The following PTGES3L variants were observed in gnomAD, a reference collection of about 807,000 sequenced individuals.
PTGES3L encodes the protein putative protein PTGES3L.
PTGES3L carries 17 observed loss-of-function variants against 25.0 expected under a neutral mutation model. The ratio of observed to expected loss-of-function variants is 0.68; its 90% confidence interval spans 0.47 to 1.02. The LOEUF is 1.02. Among genes scored for constraint, PTGES3L ranks in the 50% least tolerant of loss-of-function variants. The pLI is 0.00. For missense variants in PTGES3L, 202 were observed against 197.5 expected (o/e 1.02, Z -0.14); for synonymous variants, 59 against 65.7 (o/e 0.90, Z 0.50).
At chr17:42,975,615 G>A (rs2049940490) in intron 4 of PTGES3L, among the ~76,000 whole-genome samples, 1 of 152,112 alleles carries the variant, frequency 6.6e-6, no homozygotes, top group South Asian at 2.1e-4. Flanking sequence ...ATGATCCACT[G>A]AAAACTTCAA....
intron 4 of PTGES3L, among the ~76,000 whole-genome samples, chr17:42,978,863 G>A (rs189769436): frequency 6.6e-6 from 1 of 152,244 alleles, no homozygotes; most frequent in Non-Finnish European, 1.5e-5. Context: ...AGCTGGGCGT[G>A]GTGGTGCATG....
chr17:42,975,848 C>A (rs1261220279), intron 4 of PTGES3L, among the ~76,000 whole-genome samples: 1 of 150,874 alleles, frequency 6.6e-6, no homozygotes, highest in African/African-American at 2.4e-5. Context: ...TGCTAACTTT[C>A]GTATTTTTAG....
Position 42,979,599 on chromosome 17 carries a change from C to A in PTGES3L, c.73G>T (p.Asp25Tyr), listed in dbSNP as rs777511543. Residue 25 changes from aspartate (D) to tyrosine (Y), a missense_variant, in exon 2 of 7, where the codon GAC becomes TAC. Coordinates refer to ENST00000591916, the MANE Select transcript of PTGES3L (RefSeq NM_001261430.2). ...ATAAGCACGTGGACATCGGTGCTGT[C>A]CTCAACACAAAACTCCATGAACACA... ...RYVFMEFCVE[D>Y]STDVHVLIED... 1 of 1,614,138 alleles carries A rather than the reference C, an allele frequency of 6.2e-7. No homozygotes were observed. The highest frequency in any genetic ancestry group is 1.1e-5 in the South Asian group (1 of 91,078).
intron 5 of PTGES3L, among the ~76,000 whole-genome samples, chr17:42,970,676 G>GCGCGCGCACACACA (rs1490786473): frequency 2.1e-5 from 3 of 144,092 alleles, no homozygotes; most frequent in African/African-American, 7.9e-5. Context: ...CTTAACACGC[G>GCGCGCGCACACACA]CACACACACA....
chr17:42,972,127 G>A (rs559908272), intron 4 of PTGES3L: 40 of 168,064 alleles, frequency 2.4e-4, no homozygotes, highest in African/African-American at 9.0e-4. Flanking sequence ...GGCGGAGGTC[G>A]CAGTGAGCCA....
chr17:42,970,676 G>GCGCACACACACACA (rs1490786473), intron 5 of PTGES3L, among the ~76,000 whole-genome samples: 1 of 144,092 alleles, frequency 6.9e-6, no homozygotes, highest in Non-Finnish European at 1.5e-5. Context: ...CTTAACACGC[G>GCGCACACACACACA]CACACACACA....
Position 42,971,691 on chromosome 17 carries a change from C to A in PTGES3L, c.294G>T (p.Val98=). The stretch of plus-strand genomic sequence containing the variant: ...AGTTATCAAAGTCCACAGACAGCCA[C>A]ACTGGCTGCAAGAAGAGGCACCAAG... ...PRLTKEDIKP[V]WLSVDFDNWR... The change falls in exon 5 of 7, where the codon GTG becomes GTT. Residue 98 remains valine, a synonymous_variant. Coordinates refer to ENST00000591916, the MANE Select transcript of PTGES3L (RefSeq NM_001261430.2). The A allele has an allele frequency of 6.2e-7, 1 of 1,614,060 alleles. No individual in the cohort carries two copies. Among genetic ancestry groups the A allele is most frequent in the Non-Finnish European group, 8.5e-7 (1 of 1,179,976 alleles).
intron 5 of PTGES3L, among the ~76,000 whole-genome samples, chr17:42,971,019 C>T (rs1258911887): frequency 6.6e-6 from 1 of 151,600 alleles, no homozygotes; most frequent in African/African-American, 2.4e-5. Flanking sequence ...CACACACAGG[C>T]CAGGCATGGT....
Position 42,969,130 on chromosome 17 carries a change from G to A in PTGES3L, c.*18C>T. Reference sequence around the variant, plus strand: ...GAAAATAGCCACAGCTGCCTTCCCAGCTTTGCGTCACAGAAAGTTAATTAC... The same window carrying A: ...GAAAATAGCCACAGCTGCCTTCCCAACTTTGCGTCACAGAAAGTTAATTAC... On this transcript the variant is annotated 3_prime_UTR_variant, in exon 7 of 7. Coordinates refer to ENST00000591916, the MANE Select transcript of PTGES3L (RefSeq NM_001261430.2). The A allele has an allele frequency of 1.3e-6, 2 of 1,534,068 alleles. No homozygotes were observed. Among genetic ancestry groups the A allele is most frequent in the Non-Finnish European group, 1.8e-6 (2 of 1,134,880 alleles).
intron 4 of PTGES3L, among the ~76,000 whole-genome samples, chr17:42,972,412 C>T (rs1344481238): frequency 6.9e-6 from 1 of 145,646 alleles, no homozygotes; most frequent in Admixed American, 6.9e-5. Flanking sequence ...GCTGCCATCT[C>T]GGCTCACTGC....
In PTGES3L at chr17:42,979,658, T is replaced by G. The variant is rs752926057; in HGVS notation, c.14A>C (p.His5Pro). MARQ[H>P]ARTLWYDRPR... ...CCTGTCGTACCACAAGGTCCGGGCG[T>G]GCTGCCTGAAGAGAAGTTGAGGTGT... Residue 5 changes from histidine to proline, a missense_variant, in exon 2 of 7, where the codon CAC (histidine) becomes CCC (proline). Transcript: ENST00000591916. The G allele has an allele frequency of 1.5e-5, 25 of 1,613,698 alleles. No individual in the cohort carries two copies. The highest frequency in any genetic ancestry group is 1.9e-5 in the Non-Finnish European group (23 of 1,179,914).
chr17:42,972,565 C>T, intron 4 of PTGES3L, among the ~76,000 whole-genome samples: 1 of 152,260 alleles, frequency 6.6e-6, no homozygotes, highest in Middle Eastern at 3.4e-3. Flanking sequence ...CGCGAGTGAT[C>T]CGCCAGCCTC....
At position 42,968,970 on chromosome 17, in the gene PTGES3L, G is replaced by A. The variant is rs1282062423; in HGVS notation, c.*178C>T. On this transcript the variant is annotated 3_prime_UTR_variant, in exon 7 of 7. Transcript: ENST00000591916. ...GCATCTGATGTGGAGCCATAGTCAA[G>A]TGCCTAGGAGGAAGACAAGCTTGAA... 2 of 549,142 alleles carry A rather than the reference G, an allele frequency of 3.6e-6. No homozygotes were observed. The highest frequency in any genetic ancestry group is 1.9e-5 in the African/African-American group (1 of 53,164). The allele number at this position is 549,142 out of a possible 1,614,324, so 34.0% of individuals were successfully genotyped here. A position where few individuals can be genotyped will look rare whatever the true frequency, so the allele number is the denominator to read the frequency against.
At chr17:42,975,230 T>C (rs1398756653) in intron 4 of PTGES3L, among the ~76,000 whole-genome samples, 2 of 150,866 alleles carry the variant, frequency 1.3e-5, no homozygotes, top group Non-Finnish European at 2.9e-5. Flanking sequence ...TAATACAGTG[T>C]GAAAAGTGTG....
At chr17:42,972,674 A>G (rs954334965) in intron 4 of PTGES3L, among the ~76,000 whole-genome samples, 4 of 152,012 alleles carry the variant, frequency 2.6e-5, no homozygotes, top group Admixed American at 2.6e-4. Flanking sequence ...GCTCGCTACA[A>G]CCTACACCTC....
Position 42,968,203 on chromosome 17 carries a change from CAT to C in PTGES3L, c.*943_*944del, listed in dbSNP as rs2049767929. The C allele has an allele frequency of 6.6e-6, 1 of 151,990 alleles. No individual in the cohort carries two copies. Among genetic ancestry groups the C allele is most frequent in the African/African-American group, 2.4e-5 (1 of 41,388 alleles). 9.4% of individuals were successfully genotyped at this position (151,990 alleles called of 1,614,324 possible). ...ATAGAATAGCTGTTGGACAAATAAA[CAT>C]AGACATTAACTAGAGTAACAATCAG... On this transcript the variant is annotated 3_prime_UTR_variant, in exon 7 of 7. Transcript: ENST00000591916.
intron 4 of PTGES3L, among the ~76,000 whole-genome samples, chr17:42,977,269 T>C (rs2049970585): frequency 6.6e-6 from 1 of 151,734 alleles, no homozygotes; most frequent in African/African-American, 2.4e-5. Flanking sequence ...CTATTAAAAA[T>C]ACAAAAATTA....
intron 4 of PTGES3L, among the ~76,000 whole-genome samples, chr17:42,974,533 G>A (rs1171049540): frequency 6.6e-6 from 1 of 151,928 alleles, no homozygotes; most frequent in Non-Finnish European, 1.5e-5. Flanking sequence ...AGCATTTTGG[G>A]AGGCTGAGGC....
chr17:42,971,061 G>T (rs1464148987), intron 5 of PTGES3L, among the ~76,000 whole-genome samples: 1 of 151,792 alleles, frequency 6.6e-6, no homozygotes, highest in Non-Finnish European at 1.5e-5. Flanking sequence ...CACTTGGGAG[G>T]GTGAGGCAGG....
Sources: gnomAD v4.1 joint callset for allele counts (sites outside exome capture counted in the v4.1 genomes callset) on GRCh38, gnomAD v4.1.1 for gene constraint, MANE v1.5 for transcripts, NCBI Gene and HGNC (gene_info 2026-07-23, HGNC 2026-07-21) for gene names.